Variants in RIMS1 observed in about 807,000 individuals in gnomAD.
The protein encoded by RIMS1 is regulating synaptic membrane exocytosis 1, also known as regulating synaptic membrane exocytosis protein 1.
Under a neutral mutation model 214.1 loss-of-function variants are expected in RIMS1, and 83 were observed. The ratio of observed to expected loss-of-function variants is 0.39; its 90% confidence interval spans 0.32 to 0.47. The LOEUF (loss-of-function observed/expected upper bound fraction) is 0.47. RIMS1 is among the 20% of genes least tolerant of loss of function. The pLI, the probability that RIMS1 is intolerant of heterozygous loss-of-function variation, is 0.99. For missense variants in RIMS1, 2,050 were observed against 2,161.8 expected, an observed-to-expected ratio of 0.95 and a Z score of 1.03; for synonymous variants, 793 against 786.8, an observed-to-expected ratio of 1.01 and a Z score of -0.13.
intron 4 of RIMS1, among the ~76,000 whole-genome samples, chr6:72,139,105 T>A (rs1289111161): frequency 6.6e-6 from 1 of 152,190 alleles, no homozygotes; most frequent in Non-Finnish European, 1.5e-5. Flanking sequence ...CATGCCTGTT[T>A]CTGTGTGTCT....
intron 24 of RIMS1, 100 bp from the exon 25 acceptor site, chr6:72,290,579 G>A (rs2093216838): frequency 6.3e-6 from 6 of 957,964 alleles, no homozygotes; most frequent in Non-Finnish European, 7.8e-6. Context: ...TGAAATTACT[G>A]TCATGTACGA....
chr6:72,041,466 T>TA (rs1821415511), intron 2 of RIMS1, among the ~76,000 whole-genome samples: 2 of 152,064 alleles, frequency 1.3e-5, no homozygotes, highest in South Asian at 4.1e-4. Flanking sequence ...GCTTATCTAT[T>TA]AAAAAGCGGA....
intron 29 of RIMS1, among the ~76,000 whole-genome samples, chr6:72,342,844 T>C (rs1017193304): frequency 3.3e-5 from 5 of 151,802 alleles, no homozygotes; most frequent in African/African-American, 1.2e-4. Flanking sequence ...ATTTTTTTCC[T>C]TGAGTATGAC....
intron 4 of RIMS1, among the ~76,000 whole-genome samples, chr6:72,160,032 T>G (rs2045110970): frequency 7.6e-6 from 1 of 131,036 alleles, no homozygotes; most frequent in Admixed American, 8.1e-5. Context: ...GCATGGAATG[T>G]TCTTCCATTT....
rs2085773783 is a variant in RIMS1 at position 72,275,302 on chromosome 6, A to G, written c.3482+870A>G. 1.3e-5 allele frequency among the ~76,000 whole-genome samples: 2 copies of G among 151,646 alleles called. 1 individual carries two copies. The highest frequency in any genetic ancestry group is 1.3e-4 in the Admixed American group (2 of 15,192). ...ATTGGTAATATTTATTCAGCAGATA[A>G]GTAGACGTGGTATCTCAGAAGCAGC... On this transcript the variant is annotated intron_variant, in intron 23 of 33. Transcript: ENST00000521978.
rs1370126895 is a variant in RIMS1 at position 72,162,701 on chromosome 6, T to G, written c.472-16874T>G. Among the ~76,000 whole-genome samples the G allele has an allele frequency of 1.7e-4, 24 of 140,726 alleles. 5 individuals are homozygous for G. The highest frequency in any genetic ancestry group is 3.7e-4 in the Non-Finnish European group (23 of 61,978). The allele number at this position is 140,726 out of a possible 152,430, so 92.3% of individuals were successfully genotyped here. A position where few individuals can be genotyped will look rare whatever the true frequency, so the allele number is the denominator to read the frequency against. On this transcript the variant is annotated intron_variant, in intron 4 of 33. Transcript: ENST00000521978. Reference sequence around the variant, plus strand: ...GGTTGAAAATTCTTTTCTTTAAGAATGTTGAATATTGGCCCCCACTGTCTT... The same window carrying G: ...GGTTGAAAATTCTTTTCTTTAAGAAGGTTGAATATTGGCCCCCACTGTCTT...
At chr6:72,144,901 C>T (rs564806502) in intron 4 of RIMS1, among the ~76,000 whole-genome samples, 132 of 132,432 alleles carry the variant, frequency 1.0e-3, no homozygotes, top group African/African-American at 2.2e-3. Flanking sequence ...TTTTTTTTTT[C>T]GAGATGGAGT....
At chr6:72,052,477 A>G (rs1249736840) in intron 2 of RIMS1, among the ~76,000 whole-genome samples, 1 of 152,162 alleles carries the variant, frequency 6.6e-6, no homozygotes, top group Non-Finnish European at 1.5e-5. Flanking sequence ...TTGGTTGACC[A>G]CTCATTGACC....
chr6:72,260,943 G>C, intron 19 of RIMS1, 176 bp downstream of exon 19: 1 of 1,427,274 alleles, frequency 7.0e-7, no homozygotes, highest in African/African-American at 1.4e-5. Context: ...ATATATTTCA[G>C]TTCCGATTCA....
At chr6:72,015,428 T>A (rs1812371103) in intron 2 of RIMS1, among the ~76,000 whole-genome samples, 1 of 152,224 alleles carries the variant, frequency 6.6e-6, no homozygotes, top group South Asian at 2.1e-4. Context: ...AAGTTATTTG[T>A]GGCCTGCTTA....
At chr6:71,957,734 C>T (rs1791705539) in intron 1 of RIMS1, among the ~76,000 whole-genome samples, 1 of 150,262 alleles carries the variant, frequency 6.7e-6, no homozygotes, top group African/African-American at 2.5e-5. Context: ...AGTGTATAGA[C>T]ATATTAAAAG....
At chr6:72,289,246 A>G (rs181144164) in intron 24 of RIMS1, among the ~76,000 whole-genome samples, 62 of 152,342 alleles carry the variant, frequency 4.1e-4, no homozygotes, top group Admixed American at 2.1e-3. Flanking sequence ...TAGAAAGAGT[A>G]TCTTGAACAA....
chr6:72,248,870 G>A (rs1205996869), intron 12 of RIMS1, among the ~76,000 whole-genome samples: 1 of 152,068 alleles, frequency 6.6e-6, no homozygotes, highest in African/African-American at 2.4e-5. Context: ...GGCTTTTATG[G>A]TTTTAACTTT....
At chr6:72,361,996 G>A (rs1176092405) in intron 29 of RIMS1, among the ~76,000 whole-genome samples, 1 of 151,874 alleles carries the variant, frequency 6.6e-6, no homozygotes, top group East Asian at 1.9e-4. Context: ...GTATTGTATT[G>A]TATTGTATTG....
At chr6:72,265,892 C>T (rs1439197565) in intron 21 of RIMS1, 68 bp from the exon 22 acceptor site, 2 of 1,108,568 alleles carry the variant, frequency 1.8e-6, no homozygotes, top group Non-Finnish European at 2.6e-6. Context: ...TACTCTCTAA[C>T]ATGGTCTTCC....
At chr6:71,951,492 T>TTTTTTTTTG (rs1162341760) in intron 1 of RIMS1, among the ~76,000 whole-genome samples, 62 of 117,472 alleles carry the variant, frequency 5.3e-4, no homozygotes, top group Middle Eastern at 7.5e-3. Context: ...TTTTTTTTTT[T>TTTTTTTTTG]TGTGTGTGTG....
intron 2 of RIMS1, among the ~76,000 whole-genome samples, chr6:72,045,522 A>G (rs1822736729): frequency 6.6e-6 from 1 of 152,070 alleles, no homozygotes; most frequent in African/African-American, 2.4e-5. Context: ...ATTTGTAATT[A>G]TTAAAAAAGC....
At chr6:72,057,359 AAG>A (rs1350210441) in intron 2 of RIMS1, among the ~76,000 whole-genome samples, 1 of 152,148 alleles carries the variant, frequency 6.6e-6, no homozygotes, top group Non-Finnish European at 1.5e-5. Flanking sequence ...ATCTAACTAA[AAG>A]AGAATCATTA....
chr6:72,251,333 A>G lies in RIMS1; in HGVS notation c.2663A>G (p.His888Arg). The part of the protein sequence containing the change: ...PQPSPFMPRR[H>R]IHGESSSKKL... Reference sequence around the variant, plus strand: ...CCATCACCTTTCATGCCAAGGCGACATATTCATGGAGAAAGCTCTAGCAAA... The same window carrying G: ...CCATCACCTTTCATGCCAAGGCGACGTATTCATGGAGAAAGCTCTAGCAAA... Residue 888 changes from histidine (H) to arginine (R), a missense_variant, in exon 15 of 34, where the codon CAT (histidine) becomes CGT (arginine). Transcript: ENST00000521978. 1.3e-6 allele frequency: 2 copies of G among 1,599,418 alleles called. No individual in the cohort carries two copies. Among genetic ancestry groups the G allele is most frequent in the East Asian group, 2.3e-5 (1 of 44,414 alleles).
Sources: gnomAD v4.1 joint callset for allele counts (sites outside exome capture counted in the v4.1 genomes callset) on GRCh38, gnomAD v4.1.1 for gene constraint, MANE v1.5 for transcripts, NCBI Gene and HGNC (gene_info 2026-07-23, HGNC 2026-07-21) for gene names.